SHTN1: variants seen among roughly 807,000 people sequenced by gnomAD.
The protein encoded by SHTN1 is shootin 1, also known as shootin-1.
A neutral mutation model predicts 83.1 loss-of-function variants in SHTN1; 42 were observed. The ratio of observed to expected loss-of-function variants is 0.51; its 90% confidence interval spans 0.39 to 0.65. The LOEUF is 0.65. SHTN1 is among the 30% of genes least tolerant of loss of function. SHTN1 has a pLI of 0.00. For synonymous variants in SHTN1, 224 were observed against 247.7 expected, an observed-to-expected ratio of 0.90 and a Z score of 0.90; for missense variants, 622 against 737.8, an observed-to-expected ratio of 0.84 and a Z score of 1.82.
Position 117,025,620 on chromosome 10 carries a change from C to A in SHTN1, c.-123+22825G>T, listed in dbSNP as rs528389889. ...GCATCACCCTTCCCCTAACCCCAGG[C>A]TGCACATCTCAAGGCTCCAAGAGAG... On this transcript the variant is annotated intron_variant, in intron 2 of 17. Transcript: ENST00000392901. Among the ~76,000 whole-genome samples, 80 of 152,278 alleles carry A rather than the reference C, an allele frequency of 5.3e-4. 1 individual carries two copies. Among genetic ancestry groups the A allele is most frequent in the South Asian group, 4.6e-3 (22 of 4,826 alleles).
In SHTN1 at chr10:116,901,756, G is replaced by A. The variant is rs201551399; in HGVS notation, c.1673+9C>T. ...TATACACCACTTAGTAAAGAGCATCGTTACTTACTGAAACGTAACCTTGGA... is the reference window on the plus strand; with the variant it reads ...TATACACCACTTAGTAAAGAGCATCATTACTTACTGAAACGTAACCTTGGA... On this transcript the variant is annotated intron_variant, in intron 16 of 16. Transcript: ENST00000355371. The A allele has an allele frequency of 3.9e-5, 61 of 1,581,696 alleles. No individual in the cohort carries two copies. Among genetic ancestry groups the A allele is most frequent in the African/African-American group, 2.8e-4 (20 of 72,684 alleles).
rs1439663844 is a variant in SHTN1 at position 116,944,927 on chromosome 10, T to C, written c.708A>G (p.Gln236=). The change falls in exon 8 of 17, where the codon CAA becomes CAG. Residue 236 remains glutamine, a synonymous_variant. Coordinates refer to ENST00000355371, the MANE Select transcript of SHTN1 (RefSeq NM_001127211.3). The part of the protein sequence containing the change: ...DLRKKAESFA[Q]EMFIEQNKLK... ...AAGATTTTTACAAGATACCCACCTC[T>C]TGTGCAAATGACTCTGCTTTCTTTC... 5 of 1,596,164 alleles carry C rather than the reference T, an allele frequency of 3.1e-6. No individual in the cohort carries two copies. The highest frequency in any genetic ancestry group is 3.4e-6 in the Non-Finnish European group (4 of 1,163,698).
At chr10:116,911,442 T>A (rs1159509674) in intron 14 of SHTN1, 2 of 1,543,888 alleles carry the variant, frequency 1.3e-6, no homozygotes, top group Non-Finnish European at 1.7e-6. Context: ...TAAAGCATTA[T>A]TCATCTATTA....
intron 1 of SHTN1, among the ~76,000 whole-genome samples, chr10:117,000,614 C>G (rs1391096482): frequency 1.3e-5 from 2 of 152,100 alleles, no homozygotes; most frequent in Non-Finnish European, 2.9e-5. Context: ...ATTTCATCAA[C>G]TTGGAAATGA....
chr10:117,074,790 T>C (rs1898357), intron 1 of SHTN1, among the ~76,000 whole-genome samples: 104,457 of 152,014 alleles, frequency 0.69, 38,134 homozygotes, highest in Middle Eastern at 0.84. Flanking sequence ...ACAAAAGAAG[T>C]CCAGGGACAA....
In SHTN1 at chr10:116,979,386, C is replaced by T. The variant is rs576816120; in HGVS notation, c.59-78G>A. ...GGCAACCTGGGGAATCCAACTAACC[C>T]CCATAGTCTTCTTACTAGGTTGAGG... On this transcript the variant is annotated intron_variant, in intron 1 of 16. Coordinates refer to ENST00000355371, the MANE Select transcript of SHTN1 (RefSeq NM_001127211.3). 1.5e-3 allele frequency: 1,712 copies of T among 1,122,974 alleles called. 35 individuals are homozygous for T. The South Asian group carries it at 0.02, about 13-fold the overall frequency. 69.6% of individuals were successfully genotyped at this position (1,122,974 alleles called of 1,614,324 possible).
chr10:117,110,931 T>C (rs1415046648), intron 1 of SHTN1, among the ~76,000 whole-genome samples: 1 of 152,140 alleles, frequency 6.6e-6, no homozygotes, highest in East Asian at 1.9e-4. Flanking sequence ...GTGTAATGGC[T>C]CATGCCTGTA....
intron 1 of SHTN1, among the ~76,000 whole-genome samples, chr10:116,983,728 A>G (rs1048535949): frequency 6.6e-6 from 1 of 151,898 alleles, no homozygotes; most frequent in Non-Finnish European, 1.5e-5. Context: ...ACATACATGC[A>G]TATACACACA....
chr10:116,971,223 C>T (rs1006567942), intron 2 of SHTN1, among the ~76,000 whole-genome samples: 4 of 152,124 alleles, frequency 2.6e-5, no homozygotes, highest in Non-Finnish European at 5.9e-5. Context: ...CAGGATCCCC[C>T]ACCCAGTCAA....
chr10:116,969,460 GAGGGCAA>G (rs1850523755), intron 2 of SHTN1, among the ~76,000 whole-genome samples: 1 of 152,122 alleles, frequency 6.6e-6, no homozygotes, highest in South Asian at 2.1e-4. Context: ...ACTACTGCAT[GAGGGCAA>G]AAGGCAGCCA....
intron 1 of SHTN1, among the ~76,000 whole-genome samples, chr10:117,062,553 A>T (rs551334212): frequency 6.6e-6 from 1 of 152,330 alleles, no homozygotes; most frequent in African/African-American, 2.4e-5. Context: ...AAGGCCATTT[A>T]TCAGGTTACC....
intron 16 of SHTN1, among the ~76,000 whole-genome samples, chr10:116,888,412 G>A (rs1204608353): frequency 6.6e-6 from 1 of 152,002 alleles, no homozygotes; most frequent in African/African-American, 2.4e-5. Flanking sequence ...CTTAGGGAAT[G>A]AGAGGCACTA....
chr10:117,077,176 T>C (rs888823413), intron 1 of SHTN1, among the ~76,000 whole-genome samples: 10 of 152,210 alleles, frequency 6.6e-5, no homozygotes, highest in Admixed American at 2.6e-4. Flanking sequence ...TTGAGTTTCA[T>C]AAGCAGAAAG....
intron 1 of SHTN1, among the ~76,000 whole-genome samples, chr10:117,113,512 T>C (rs1448089668): frequency 6.6e-6 from 1 of 152,200 alleles, no homozygotes; most frequent in African/African-American, 2.4e-5. Context: ...CTCCTTTCTC[T>C]CAGGATCCAA....
intron 3 of SHTN1, among the ~76,000 whole-genome samples, chr10:116,962,048 C>T (rs563988893): frequency 1.6e-5 from 2 of 122,198 alleles, no homozygotes; most frequent in African/African-American, 6.1e-5. Flanking sequence ...AGCTCCCCCC[C>T]CCTTCCACAT....
chr10:117,097,605 T>A (rs1853522935), intron 1 of SHTN1, among the ~76,000 whole-genome samples: 1 of 152,202 alleles, frequency 6.6e-6, no homozygotes, highest in Non-Finnish European at 1.5e-5. Flanking sequence ...GAATTTGCCT[T>A]TTGTCTGATA....
At chr10:117,102,335 G>C (rs1853606709) in intron 1 of SHTN1, among the ~76,000 whole-genome samples, 1 of 152,146 alleles carries the variant, frequency 6.6e-6, no homozygotes, top group Admixed American at 6.5e-5. Flanking sequence ...CAGAGACCAA[G>C]ATTAATTCTT....
chr10:117,021,524 C>T (rs1852263482), intron 2 of SHTN1, among the ~76,000 whole-genome samples: 1 of 152,120 alleles, frequency 6.6e-6, no homozygotes, highest in Admixed American at 6.6e-5. Context: ...CCATAAAATT[C>T]ATTCATAAAA....
At chr10:117,081,143 C>T (rs1589923890) in intron 1 of SHTN1, among the ~76,000 whole-genome samples, 1 of 148,458 alleles carries the variant, frequency 6.7e-6, no homozygotes, top group East Asian at 2.0e-4. Flanking sequence ...CCAGTTTTTG[C>T]CCATTCAGTA....
Sources: allele counts gnomAD v4.1 joint callset (sites outside exome capture counted in the v4.1 genomes callset), GRCh38; gene constraint gnomAD v4.1.1; transcripts MANE v1.5; gene names NCBI Gene and HGNC (gene_info 2026-07-23, HGNC 2026-07-21).